Variants in DPT observed in about 807,000 individuals in gnomAD.
DPT encodes the protein dermatopontin.
DPT carries 21 observed loss-of-function variants against 31.2 expected under a neutral mutation model. The ratio of observed to expected loss-of-function variants is 0.67; its 90% CI spans 0.48 to 0.97. The LOEUF (loss-of-function observed/expected upper bound fraction) is 0.97. DPT is among the 50% of genes least tolerant of loss of function. DPT has a pLI of 0.00. For synonymous variants in DPT, 91 were observed against 86.9 expected, an observed-to-expected ratio of 1.05 and a Z score of -0.26; for missense variants, 262 against 258.8, an observed-to-expected ratio of 1.01 and a Z score of -0.08.
chr1:168,708,455 T>A (rs1649770062), intron 2 of DPT, among the ~76,000 whole-genome samples: 2 of 152,240 alleles, frequency 1.3e-5, no homozygotes, highest in African/African-American at 2.4e-5. Context: ...AAACCCAATA[T>A]AAGTTCCTTT....
intron 1 of DPT, among the ~76,000 whole-genome samples, chr1:168,725,949 G>A (rs1265832960): frequency 2.0e-5 from 3 of 152,180 alleles, no homozygotes; most frequent in African/African-American, 7.2e-5. Flanking sequence ...AGATGTAATA[G>A]CTCCCCAGCC....
chr1:168,710,906 G>A (rs546172342), intron 2 of DPT, among the ~76,000 whole-genome samples: 5 of 152,108 alleles, frequency 3.3e-5, no homozygotes, highest in African/African-American at 7.2e-5. Flanking sequence ...ACAGATCCAC[G>A]GAATATGGGA....
At chr1:168,724,298 A>T (rs989819388) in intron 1 of DPT, among the ~76,000 whole-genome samples, 1 of 152,234 alleles carries the variant, frequency 6.6e-6, no homozygotes, top group African/African-American at 2.4e-5. Context: ...CCCCTACTAT[A>T]GACACTGGAA....
chr1:168,696,214 G>A lies in DPT; in HGVS notation c.*335C>T, dbSNP rs534921098. 23 of 433,126 alleles carry A rather than the reference G, an allele frequency of 5.3e-5. No homozygotes were observed. Among genetic ancestry groups the A allele is most frequent in the Non-Finnish European group, 8.9e-5 (22 of 247,288 alleles). The allele number at this position is 433,126 out of a possible 1,614,324, so 26.8% of individuals were successfully genotyped here. On this transcript the variant is annotated 3_prime_UTR_variant, in exon 4 of 4. Coordinates refer to ENST00000367817, the MANE Select transcript of DPT (RefSeq NM_001937.5). ...TGCTGAACTTGCAGTTCATTCTGCA[G>A]TAAAAAGCAGTAGCCAGGCTGCAGC...
intron 3 of DPT, among the ~76,000 whole-genome samples, chr1:168,699,517 G>C (rs1279398230): frequency 6.6e-6 from 1 of 151,314 alleles, no homozygotes; most frequent in Non-Finnish European, 1.5e-5. Flanking sequence ...GTTTGCCTAT[G>C]GGTAAACATA....
chr1:168,702,179 T>C (rs1007974261), intron 2 of DPT, among the ~76,000 whole-genome samples: 1 of 152,188 alleles, frequency 6.6e-6, no homozygotes, highest in Non-Finnish European at 1.5e-5. Flanking sequence ...ACAACTAGTT[T>C]GTGAGTGTCA....
intron 1 of DPT, among the ~76,000 whole-genome samples, chr1:168,716,352 T>C (rs1649986569): frequency 6.6e-6 from 1 of 152,124 alleles, no homozygotes; most frequent in Non-Finnish European, 1.5e-5. Flanking sequence ...CGGTCAACCA[T>C]GTAAATTAGC....
chr1:168,702,853 C>G (rs1649633348), intron 2 of DPT, among the ~76,000 whole-genome samples: 2 of 152,042 alleles, frequency 1.3e-5, no homozygotes, highest in African/African-American at 4.8e-5. Context: ...CTTAAGTGAT[C>G]CACCCGCCTC....
rs1205550675 is a variant in DPT, at chr1:168,711,481, G to A, written c.431+2740C>T. Among the ~76,000 whole-genome samples, 3 of 152,148 alleles carry A rather than the reference G, an allele frequency of 2.0e-5. No individual in the cohort carries two copies. The East Asian group carries it at 5.8e-4, about 29-fold the overall frequency. On this transcript the variant is annotated intron_variant, in intron 2 of 3. Coordinates refer to ENST00000367817, the MANE Select transcript of DPT (RefSeq NM_001937.5). ...ACAGCAGGCTCTCCCACTCATCTCT[G>A]CAGAGACCTCGAGCCTTGCTGTGAT...
chr1:168,717,283 A>G (rs1166062717), intron 1 of DPT, among the ~76,000 whole-genome samples: 1 of 152,044 alleles, frequency 6.6e-6, no homozygotes, highest in Non-Finnish European at 1.5e-5. Flanking sequence ...TGTGGTTTTG[A>G]TTTGCATTTC....
chr1:168,714,221 C>A lies in DPT; in HGVS notation c.431G>T (p.Trp144Leu). The change falls in exon 2 of 4, where the codon TGG becomes TTG. Residue 144 changes from tryptophan (W) to leucine (L), a missense_variant and splice_region_variant. By Grantham distance (61) the Trp-to-Leu change is moderately conservative (BLOSUM62 -2). Coordinates refer to ENST00000367817, the MANE Select transcript of DPT (RefSeq NM_001937.5). ...GGGTTTGGTCGGCTGCCAGACTCAC[C>A]AGCAGGAATATGGGCACCTCTTGCT... ...RYSKRCPYSC[W>L]LTTEYPGHYG... 1 of 1,614,066 alleles carries A rather than the reference C, an allele frequency of 6.2e-7. No individual in the cohort carries two copies. The highest frequency in any genetic ancestry group is 8.5e-7 in the Non-Finnish European group (1 of 1,179,988).
At chr1:168,727,922 C>T (rs1184132041) in intron 1 of DPT, among the ~76,000 whole-genome samples, 1 of 152,138 alleles carries the variant, frequency 6.6e-6, no homozygotes, top group East Asian at 1.9e-4. Flanking sequence ...ATAGCACATG[C>T]AGCAGCCCTC....
At chr1:168,728,791 T>G (rs1650306786) in intron 1 of DPT, 79 bp downstream of exon 1, 11 of 1,534,958 alleles carry the variant, frequency 7.2e-6, no homozygotes, top group Middle Eastern at 2.3e-4. Context: ...TGATATTCCT[T>G]GAGAGTCTAG....
At chr1:168,715,513 A>G (rs764790434) in intron 1 of DPT, among the ~76,000 whole-genome samples, 1 of 152,212 alleles carries the variant, frequency 6.6e-6, no homozygotes, top group Non-Finnish European at 1.5e-5. Flanking sequence ...TACATCTAGA[A>G]TTTTACAAAT....
chr1:168,724,175 G>A (rs1650185750), intron 1 of DPT, among the ~76,000 whole-genome samples: 1 of 152,224 alleles, frequency 6.6e-6, no homozygotes, highest in Non-Finnish European at 1.5e-5. Flanking sequence ...GCGGCAAAGT[G>A]TGTCAGCCAT....
intron 2 of DPT, among the ~76,000 whole-genome samples, chr1:168,706,621 T>G (rs1050121476): frequency 6.6e-6 from 1 of 152,208 alleles, no homozygotes; most frequent in Non-Finnish European, 1.5e-5. Flanking sequence ...ACAGAAAATC[T>G]GAACCCAGGG....
chr1:168,717,565 T>A (rs904136896), intron 1 of DPT, among the ~76,000 whole-genome samples: 4 of 152,208 alleles, frequency 2.6e-5, no homozygotes, highest in African/African-American at 9.6e-5. Context: ...TTCAATTAGA[T>A]CCCATTTGTC....
At chr1:168,717,534 T>C (rs1415361540) in intron 1 of DPT, among the ~76,000 whole-genome samples, 3 of 152,224 alleles carry the variant, frequency 2.0e-5, no homozygotes, top group Non-Finnish European at 4.4e-5. Context: ...TAGTTCCTTT[T>C]GGTATGCACA....
chr1:168,700,259 T>C lies in DPT; in HGVS notation c.539+758A>G, dbSNP rs138028094. On this transcript the variant is annotated intron_variant, in intron 3 of 3. Transcript: ENST00000367817. ...GGGAGCTGGCTTGCCCTTTCCACCA[T>C]GCGTGAGGACACAGTAATAAAGCAA... Among the ~76,000 whole-genome samples the C allele has an allele frequency of 3.4e-3, 520 of 152,296 alleles. 2 individuals carry two copies. The highest frequency in any genetic ancestry group is 0.012 in the African/African-American group (483 of 41,562).
Sources: allele counts gnomAD v4.1 joint callset (sites outside exome capture counted in the v4.1 genomes callset), GRCh38; gene constraint gnomAD v4.1.1; transcripts MANE v1.5; gene names NCBI Gene and HGNC (gene_info 2026-07-23, HGNC 2026-07-21).